The following PRDM16 variants were observed in gnomAD, a reference collection of about 807,000 sequenced individuals.
PRDM16 encodes histone-lysine N-methyltransferase PRDM16.
Under a neutral mutation model 110.6 loss-of-function variants are expected in PRDM16, and 23 were observed. The observed-to-expected ratio is 0.21, with a 90% CI of 0.15 to 0.29. The LOEUF is 0.29. Among genes scored for constraint, PRDM16 ranks in the 10% least tolerant of loss-of-function variants. The probability of loss-of-function intolerance (pLI) is 1.00; values close to 1 mark genes in which losing one functional copy is unlikely to be tolerated. For synonymous variants in PRDM16, 799 were observed against 781.8 expected (o/e 1.02, Z -0.37); for missense variants, 1,615 against 1,794.3 (o/e 0.90, Z 1.81).
chr1:3,162,642 G>A (rs995476357), intron 1 of PRDM16, among the ~76,000 whole-genome samples: 1 of 152,250 alleles, frequency 6.6e-6, no homozygotes, highest in African/African-American at 2.4e-5. Flanking sequence ...CGGCGAGCCC[G>A]TGCGCCGATG....
chr1:3,372,088 C>T (rs920652484), intron 3 of PRDM16, among the ~76,000 whole-genome samples: 2 of 152,210 alleles, frequency 1.3e-5, no homozygotes, highest in Non-Finnish European at 2.9e-5. Context: ...TTTGAGAGGG[C>T]CTGAGGGTGA....
intron 3 of PRDM16, among the ~76,000 whole-genome samples, chr1:3,262,735 A>G (rs1342263521): frequency 1.3e-5 from 2 of 152,226 alleles, no homozygotes; most frequent in Non-Finnish European, 2.9e-5. Flanking sequence ...AGCAGTAATG[A>G]CAACACACAG....
At chr1:3,118,139 G>A (rs1643009754) in intron 1 of PRDM16, among the ~76,000 whole-genome samples, 1 of 151,896 alleles carries the variant, frequency 6.6e-6, no homozygotes, top group African/African-American at 2.4e-5. Flanking sequence ...GTGTGTACAT[G>A]CATGTGTGTG....
intron 3 of PRDM16, among the ~76,000 whole-genome samples, chr1:3,270,035 C>G (rs1421027857): frequency 6.8e-6 from 1 of 146,846 alleles, no homozygotes. Flanking sequence ...GAGGACTGTC[C>G]TGGAAGAGGT....
At chr1:3,405,125 C>T (rs1276658006) in intron 7 of PRDM16, among the ~76,000 whole-genome samples, 1 of 152,168 alleles carries the variant, frequency 6.6e-6, no homozygotes, top group Non-Finnish European at 1.5e-5. Context: ...CAGGCCCCTC[C>T]AGAGCGCGGC....
intron 3 of PRDM16, among the ~76,000 whole-genome samples, chr1:3,360,554 C>T (rs1642693658): frequency 6.6e-6 from 1 of 152,184 alleles, no homozygotes; most frequent in South Asian, 2.1e-4. Flanking sequence ...GTGTCCACTG[C>T]TCTGTGGCTG....
intron 3 of PRDM16, among the ~76,000 whole-genome samples, chr1:3,251,645 G>A (rs1262780846): frequency 1.3e-5 from 2 of 152,118 alleles, no homozygotes; most frequent in Non-Finnish European, 2.9e-5. Flanking sequence ...CTCCGTTGTG[G>A]CCACCCAAGC....
rs145443645 is a variant in PRDM16, at chr1:3,244,160, G to T, written c.438+23G>T. On this transcript the variant is annotated intron_variant, in intron 3 of 16. Transcript: ENST00000270722. This position sits in a 1 kb window ranked among gnomAD's most constrained non-coding sequence, Gnocchi z 4.1. ...AAGGTAGGAGAGCTCGCCCTGCGCC[G>T]TCTCAGCTCCCCAGCGTCCTCGGAG... 3.1e-6 allele frequency: 5 copies of T among 1,612,050 alleles called. No homozygotes were observed. In the South Asian group the frequency reaches 5.5e-5, roughly 18 times the overall value.
At chr1:3,348,336 C>T (rs376624046) in intron 3 of PRDM16, among the ~76,000 whole-genome samples, 15 of 152,296 alleles carry the variant, frequency 9.8e-5, no homozygotes, top group Admixed American at 5.2e-4. Flanking sequence ...AGCAACTACT[C>T]GGCTGCCTGG....
chr1:3,383,794 A>T (rs1006493267), intron 3 of PRDM16, among the ~76,000 whole-genome samples: 7 of 151,652 alleles, frequency 4.6e-5, no homozygotes, highest in Non-Finnish European at 7.4e-5. Flanking sequence ...TGACTCCCTT[A>T]TCCATCACCC....
Position 3,244,201 on chromosome 1 carries a change from C to A in PRDM16, c.438+64C>A. The A allele has an allele frequency of 6.8e-7, 1 of 1,470,342 alleles. No individual in the cohort carries two copies. The highest frequency in any genetic ancestry group is 9.5e-7 in the Non-Finnish European group (1 of 1,052,850). The allele number at this position is 1,470,342 out of a possible 1,614,324, so 91.1% of individuals were successfully genotyped here. ...GTCCTCGGAGCTCCTGGCGGGGCGA[C>A]CGCCATCCCAGCTGTCCCTGAGCTA... On this transcript the variant is annotated intron_variant, in intron 3 of 16. Coordinates refer to ENST00000270722, the MANE Select transcript of PRDM16 (RefSeq NM_022114.4). This position sits in a 1 kb window ranked among gnomAD's most constrained non-coding sequence, Gnocchi z 4.1.
At chr1:3,257,172 G>A (rs1306620619) in intron 3 of PRDM16, among the ~76,000 whole-genome samples, 2 of 152,218 alleles carry the variant, frequency 1.3e-5, no homozygotes, top group South Asian at 2.1e-4. Flanking sequence ...AGGGCTCTTC[G>A]AGTTGGTTGG....
At chr1:3,337,584 A>G (rs1319992586) in intron 3 of PRDM16, among the ~76,000 whole-genome samples, 2 of 151,950 alleles carry the variant, frequency 1.3e-5, no homozygotes, top group Non-Finnish European at 2.9e-5. Context: ...GCTGGGGGAG[A>G]CCCACCAGGT....
At chr1:3,127,123 G>C (rs1643225171) in intron 1 of PRDM16, among the ~76,000 whole-genome samples, 1 of 152,236 alleles carries the variant, frequency 6.6e-6, no homozygotes, top group African/African-American at 2.4e-5. Flanking sequence ...AAAAGAGAGA[G>C]AGGCCCAGAC....
At chr1:3,136,616 C>A (rs888169973) in intron 1 of PRDM16, among the ~76,000 whole-genome samples, 4 of 152,174 alleles carry the variant, frequency 2.6e-5, no homozygotes, top group African/African-American at 9.7e-5. Context: ...CTTTCTGGGG[C>A]CACAAAGGTC....
chr1:3,167,312 G>A (rs1343042807), intron 1 of PRDM16, among the ~76,000 whole-genome samples: 2 of 152,152 alleles, frequency 1.3e-5, no homozygotes, highest in Non-Finnish European at 1.5e-5. Context: ...AAGCCATTCC[G>A]GAAATCCGTC....
chr1:3,418,039 C>A (rs769154664), intron 11 of PRDM16, 42 bp downstream of exon 11: 2 of 1,545,882 alleles, frequency 1.3e-6, no homozygotes, highest in South Asian at 2.3e-5. Flanking sequence ...CCTGGCGGGG[C>A]TCGAGTGCCA....
chr1:3,183,333 G>A (rs1230611651), intron 1 of PRDM16, among the ~76,000 whole-genome samples: 1 of 152,268 alleles, frequency 6.6e-6, no homozygotes, highest in Admixed American at 6.5e-5. Context: ...GGCTCCGGTT[G>A]TTCCGGGGAC....
At chr1:3,314,570 T>TCTCTCTCTCTC (rs1641553420) in intron 3 of PRDM16, among the ~76,000 whole-genome samples, 1 of 151,796 alleles carries the variant, frequency 6.6e-6, no homozygotes, top group Admixed American at 6.6e-5. Flanking sequence ...GTGAGCGTTC[T>TCTCTCTCTCTC]CTCTCTCTCT....
Sources: allele counts gnomAD v4.1 joint callset (sites outside exome capture counted in the v4.1 genomes callset), GRCh38; gene constraint gnomAD v4.1.1; non-coding constraint Gnocchi (gnomAD v3.1); transcripts MANE v1.5; gene names NCBI Gene and HGNC (gene_info 2026-07-23, HGNC 2026-07-21).